Variants in NUP205 observed in about 807,000 individuals in gnomAD.
NUP205 encodes nucleoporin 205.
In NUP205, 76 loss-of-function variants were observed where a neutral mutation model predicts 253.8. That is an observed-to-expected ratio of 0.30 (90% confidence interval 0.25 to 0.36). The LOEUF is 0.36. Ranked by LOEUF, NUP205 falls within the 10% of genes least tolerant of loss-of-function variation. The pLI is 1.00. For missense variants in NUP205, 2,162 were observed against 2,425.5 expected (o/e 0.89, Z 2.28); for synonymous variants, 832 against 850.1 (o/e 0.98, Z 0.37).
intron 8 of NUP205, among the ~76,000 whole-genome samples, chr7:135,585,832 A>G (rs1184783217): frequency 1.3e-5 from 2 of 152,172 alleles, no homozygotes; most frequent in African/African-American, 2.4e-5. Flanking sequence ...GTGAACCACC[A>G]TGCCTGGCCC....
At chr7:135,578,697 A>G in intron 6 of NUP205, 54 bp from the exon 7 acceptor site, 1 of 1,309,904 alleles carries the variant, frequency 7.6e-7, no homozygotes, top group Non-Finnish European at 1.1e-6. Flanking sequence ...CCTGTGTATC[A>G]GAAGTGAGAA....
rs140045221 is a variant in NUP205, at chr7:135,643,222, G to C, written c.5423G>C (p.Arg1808Pro). 1.2e-6 allele frequency: 2 copies of C among 1,613,984 alleles called. No homozygotes were observed. The highest frequency in any genetic ancestry group is 4.5e-5 in the East Asian group (2 of 44,880). The change falls in exon 39 of 43, where the codon CGC (arginine) becomes CCC (proline). Residue 1808 changes from arginine (R) to proline (P), a missense_variant. Arg to Pro is a moderately radical substitution (Grantham distance 103, BLOSUM62 -2). This residue lies in a region of NUP205 where 1,144 missense variants were observed against 1,280.9 expected (regional missense o/e 0.89). Transcript: ENST00000285968. ...DTQAPVVPYW[R>P]LPGLGIIIYL... ...CAAGCTCCAGTGGTTCCATACTGGC[G>C]CCTGCCTGGTTTAGGCATTATCATC...
intron 13 of NUP205, among the ~76,000 whole-genome samples, chr7:135,595,694 A>G (rs1212919096): frequency 6.6e-6 from 1 of 152,156 alleles, no homozygotes; most frequent in Non-Finnish European, 1.5e-5. Flanking sequence ...TAAATGGATG[A>G]TATAATGTTT....
chr7:135,602,394 C>G (rs1289391094), intron 17 of NUP205, among the ~76,000 whole-genome samples: 1 of 152,150 alleles, frequency 6.6e-6, no homozygotes, highest in Admixed American at 6.5e-5. Flanking sequence ...TGGATGATGT[C>G]CTGTGTATTG....
intron 17 of NUP205, among the ~76,000 whole-genome samples, chr7:135,602,242 A>G (rs1431538191): frequency 3.3e-5 from 5 of 152,234 alleles, no homozygotes; most frequent in Non-Finnish European, 7.3e-5. Context: ...TTAGGCCACA[A>G]TTTTAAATTT....
intron 1 of NUP205, among the ~76,000 whole-genome samples, chr7:135,559,686 C>CTTTTTTT (rs548329072): frequency 7.2e-6 from 1 of 138,010 alleles, no homozygotes. Context: ...ATTTATTTTC[C>CTTTTTTT]TTTTTTTTTT....
At chr7:135,631,899 G>A (rs1428639671) in intron 35 of NUP205, among the ~76,000 whole-genome samples, 2 of 151,912 alleles carry the variant, frequency 1.3e-5, no homozygotes, top group South Asian at 2.1e-4. Flanking sequence ...ACAGGCGCCC[G>A]CCACCACGCC....
chr7:135,565,549 C>T (rs1013662481), intron 1 of NUP205, among the ~76,000 whole-genome samples: 1 of 152,028 alleles, frequency 6.6e-6, no homozygotes, highest in African/African-American at 2.4e-5. Flanking sequence ...TCTCCTGCCT[C>T]AGCCTCCCGA....
chr7:135,610,094 A>G lies in NUP205; in HGVS notation c.3195+2723A>G, dbSNP rs145961818. 1.5e-3 allele frequency among the ~76,000 whole-genome samples: 236 copies of G among 152,262 alleles called. 1 individual carries two copies. The East Asian group carries it at 0.038, about 25-fold the overall frequency. Reference sequence around the variant, plus strand: ...ATTGTCTGAATTTTTATTTTTATTTATTCATTTTTAAAAGAATTTGGAAAT... The same window carrying G: ...ATTGTCTGAATTTTTATTTTTATTTGTTCATTTTTAAAAGAATTTGGAAAT... On this transcript the variant is annotated intron_variant, in intron 22 of 42. Coordinates refer to ENST00000285968, the MANE Select transcript of NUP205 (RefSeq NM_015135.3).
intron 30 of NUP205, 49 bp downstream of exon 30, chr7:135,619,937 T>C (rs1794441345): frequency 1.6e-6 from 2 of 1,223,118 alleles, no homozygotes; most frequent in East Asian, 4.7e-5. Flanking sequence ...AGATGGTTAC[T>C]TTAAATTGAA....
intron 1 of NUP205, among the ~76,000 whole-genome samples, chr7:135,570,695 TAATTA>T (rs1434564706): frequency 1.8e-4 from 12 of 65,864 alleles, no homozygotes; most frequent in East Asian, 8.9e-4. Flanking sequence ...TATATTAATA[TAATTA>T]ATTATATTAA....
chr7:135,579,728 C>G (rs1806253740), intron 7 of NUP205, among the ~76,000 whole-genome samples: 1 of 152,134 alleles, frequency 6.6e-6, no homozygotes, highest in Admixed American at 6.5e-5. Flanking sequence ...TCACTGCAAC[C>G]TCCACCTACT....
Position 135,593,046 on chromosome 7 carries a change from T to A in NUP205, c.1684T>A (p.Leu562Met), listed in dbSNP as rs1410538172. The change falls in exon 12 of 43, where the codon TTG becomes ATG. Residue 562 changes from leucine (L) to methionine (M), a missense_variant. Coordinates refer to ENST00000285968, the MANE Select transcript of NUP205 (RefSeq NM_015135.3). Reference protein sequence around the residue: ...PVSWEHFFHSLMLYHEHLRKD... With the variant: ...PVSWEHFFHSMMLYHEHLRKD... ...TTCCTGGGAACATTTCTTTCACTCC[T>A]TGATGCTTTACCACGAACACCTTCG... The A allele has an allele frequency of 3.7e-6, 6 of 1,614,042 alleles. No homozygotes were observed. The highest frequency in any genetic ancestry group is 5.1e-6 in the Non-Finnish European group (6 of 1,179,994).
chr7:135,642,846 GT>G (rs1584694506), intron 38 of NUP205, among the ~76,000 whole-genome samples: 23 of 47,848 alleles, frequency 4.8e-4, no homozygotes, highest in Non-Finnish European at 2.5e-4. Context: ...GTGGAGGGGT[GT>G]GTGTGTGTGT....
At chr7:135,558,643 G>T (rs561877592) in intron 1 of NUP205, among the ~76,000 whole-genome samples, 5 of 152,166 alleles carry the variant, frequency 3.3e-5, no homozygotes, top group Non-Finnish European at 7.3e-5. Context: ...GGGCCGTACC[G>T]CCCTCCAGTG....
At chr7:135,562,960 C>G (rs1805631509) in intron 1 of NUP205, among the ~76,000 whole-genome samples, 1 of 152,136 alleles carries the variant, frequency 6.6e-6, no homozygotes, top group African/African-American at 2.4e-5. Flanking sequence ...TTCCCTCTTG[C>G]CATGGAAACC....
At chr7:135,644,107 C>T (rs536732345) in intron 39 of NUP205, among the ~76,000 whole-genome samples, 1 of 152,336 alleles carries the variant, frequency 6.6e-6, no homozygotes, top group South Asian at 2.1e-4. Context: ...CCCTGAACTA[C>T]ATGTTCTACC....
chr7:135,584,786 T>C, intron 7 of NUP205, 46 bp from the exon 8 acceptor site: 3 of 1,533,736 alleles, frequency 2.0e-6, no homozygotes, highest in Non-Finnish European at 2.7e-6. Flanking sequence ...ACAATCTGGG[T>C]TAATGACTTT....
chr7:135,618,470 A>G lies in NUP205; in HGVS notation c.3830A>G (p.His1277Arg). 6.2e-7 allele frequency: 1 copy of G among 1,614,170 alleles called. No individual in the cohort carries two copies. Among genetic ancestry groups the G allele is most frequent in the Non-Finnish European group, 8.5e-7 (1 of 1,180,016 alleles). Residue 1277 changes from histidine (H) to arginine (R), a missense_variant, in exon 28 of 43, where the codon CAT becomes CGT. This residue lies in a region of NUP205 where 1,144 missense variants were observed against 1,280.9 expected (regional missense o/e 0.89). Transcript: ENST00000285968. ...VGRNKLLQCL[H>R]AKRHALESWR... ...AGAAATAAATTGCTGCAGTGTCTTC[A>G]TGCAAAACGTCATGCTCTGGAGTCG...
Sources: allele counts gnomAD v4.1 joint callset (sites outside exome capture counted in the v4.1 genomes callset), GRCh38; gene constraint gnomAD v4.1.1; regional missense constraint gnomAD v4.1.1; transcripts MANE v1.5; gene names NCBI Gene and HGNC (gene_info 2026-07-23, HGNC 2026-07-21).